LARGE1: variants seen among roughly 807,000 people sequenced by gnomAD.
LARGE1 encodes the protein xylosyl- and glucuronyltransferase LARGE1.
Under a neutral mutation model 87.6 loss-of-function variants are expected in LARGE1, and 43 were observed. The ratio of observed to expected loss-of-function variants is 0.49; its 90% confidence interval spans 0.38 to 0.63. LARGE1 has a LOEUF of 0.63. LARGE1 is among the 30% of genes least tolerant of loss of function. The probability of loss-of-function intolerance (pLI) is 0.00; values close to 1 mark genes in which losing one functional copy is unlikely to be tolerated. For missense variants in LARGE1, 802 were observed against 1,000.2 expected (o/e 0.80, Z 2.67); for synonymous variants, 434 against 394.6 (o/e 1.10, Z -1.18).
intron 3 of LARGE1, among the ~76,000 whole-genome samples, chr22:33,647,572 A>G (rs1237467742): frequency 6.6e-6 from 1 of 152,186 alleles, no homozygotes; most frequent in Non-Finnish European, 1.5e-5. Context: ...TGCCATCCCT[A>G]CACTGATGGC....
intron 1 of LARGE1, among the ~76,000 whole-genome samples, chr22:33,817,974 A>G (rs1339162783): frequency 6.6e-6 from 1 of 152,142 alleles, no homozygotes; most frequent in East Asian, 1.9e-4. Context: ...ATGGTGGTGC[A>G]GGCAGCTTCA....
intron 2 of LARGE1, among the ~76,000 whole-genome samples, chr22:33,760,515 C>T (rs2084684621): frequency 6.6e-6 from 1 of 152,206 alleles, no homozygotes; most frequent in Non-Finnish European, 1.5e-5. Flanking sequence ...CAACGCGCAT[C>T]GCAACGTGCC....
At chr22:33,721,957 A>G (rs1300152615) in intron 2 of LARGE1, among the ~76,000 whole-genome samples, 1 of 152,122 alleles carries the variant, frequency 6.6e-6, no homozygotes, top group Non-Finnish European at 1.5e-5. Context: ...CTTGGGTAAA[A>G]AATTACTTTG....
chr22:33,198,073 A>G (rs1362897561), intron 11 of LARGE1, among the ~76,000 whole-genome samples: 1 of 152,234 alleles, frequency 6.6e-6, no homozygotes, highest in Non-Finnish European at 1.5e-5. Context: ...TGTGCATACA[A>G]AAATTAGTTT....
At chr22:33,660,966 C>G (rs927015831) in intron 2 of LARGE1, among the ~76,000 whole-genome samples, 1 of 151,684 alleles carries the variant, frequency 6.6e-6, no homozygotes, top group Non-Finnish European at 1.5e-5. Flanking sequence ...GCGAATCACA[C>G]GTGCTAAGAA....
At chr22:33,268,363 A>G (rs1397249692), downstream of LARGE1, among the ~76,000 whole-genome samples, 1 of 151,568 alleles carries the variant, frequency 6.6e-6, no homozygotes, top group Non-Finnish European at 1.5e-5. Context: ...CACATAATAA[A>G]CACGCATTCT....
chr22:33,378,357 C>T (rs983465438), intron 9 of LARGE1, among the ~76,000 whole-genome samples: 43 of 152,158 alleles, frequency 2.8e-4, no homozygotes, highest in African/African-American at 1.0e-3. Context: ...AGACAACAAC[C>T]TCTACTGTCT....
At chr22:33,675,282 G>A (rs181502992) in intron 2 of LARGE1, among the ~76,000 whole-genome samples, 1,846 of 43,166 alleles carry the variant, frequency 0.043, 26 homozygotes, top group African/African-American at 0.1. Context: ...CAACAAGAGC[G>A]AAACTCCATC....
chr22:33,609,717 G>A (rs987735489), intron 4 of LARGE1, among the ~76,000 whole-genome samples: 1 of 152,112 alleles, frequency 6.6e-6, no homozygotes, highest in African/African-American at 2.4e-5. Context: ...CAAATCTTAT[G>A]TTGAAACGTA....
intron 9 of LARGE1, among the ~76,000 whole-genome samples, chr22:33,370,671 T>C (rs967389211): frequency 1.3e-5 from 2 of 151,950 alleles, no homozygotes; most frequent in African/African-American, 2.4e-5. Context: ...GTTACCAACA[T>C]GTACATGTAT....
intron 1 of LARGE1, among the ~76,000 whole-genome samples, chr22:33,795,079 C>G (rs1419940115): frequency 6.6e-6 from 1 of 152,176 alleles, no homozygotes; most frequent in African/African-American, 2.4e-5. Context: ...GTTGCTGATC[C>G]TATTTTAAGA....
chr22:33,619,371 G>T (rs921499255), intron 4 of LARGE1, among the ~76,000 whole-genome samples: 4 of 151,752 alleles, frequency 2.6e-5, no homozygotes, highest in Admixed American at 1.3e-4. Flanking sequence ...CCTGGCCAAC[G>T]TGGCAAAACC....
chr22:33,652,413 T>C (rs16992713), intron 2 of LARGE1, among the ~76,000 whole-genome samples: 3,382 of 152,178 alleles, frequency 0.022, 98 homozygotes, highest in African/African-American at 0.071. Flanking sequence ...AGGATACTTA[T>C]ATCACCTTGT....
intron 11 of LARGE1, among the ~76,000 whole-genome samples, chr22:33,218,111 G>T (rs897242820): frequency 6.6e-6 from 1 of 151,890 alleles, no homozygotes; most frequent in East Asian, 1.9e-4. Flanking sequence ...TGTATTTTTA[G>T]TAGAGGTGGG....
intron 11 of LARGE1, among the ~76,000 whole-genome samples, chr22:33,237,545 CTATAAG>C (rs1030323030): frequency 2.0e-5 from 3 of 151,216 alleles, no homozygotes; most frequent in African/African-American, 4.9e-5. Flanking sequence ...TCTAAAAGAA[CTATAAG>C]TATATTTAAA....
chr22:33,134,604 T>C, the LARGE1 span, among the ~76,000 whole-genome samples: 1 of 152,176 alleles, frequency 6.6e-6, no homozygotes, highest in South Asian at 2.1e-4. Context: ...ATAGTGGTCA[T>C]ACCTGTCTTA....
chr22:33,378,199 A>G (rs2065045514), intron 9 of LARGE1, among the ~76,000 whole-genome samples: 1 of 152,208 alleles, frequency 6.6e-6, no homozygotes, highest in Admixed American at 6.5e-5. Flanking sequence ...GTTTCTGCCA[A>G]GTGCCTGGCA....
intron 2 of LARGE1, among the ~76,000 whole-genome samples, chr22:33,749,705 T>C (rs895621379): frequency 3.3e-5 from 5 of 152,140 alleles, no homozygotes; most frequent in African/African-American, 1.2e-4. Flanking sequence ...ATTAAAGGAT[T>C]AACTGAATTT....
chr22:33,750,469 G>A (rs2084271140), intron 2 of LARGE1: 1 of 152,212 alleles, frequency 6.6e-6, no homozygotes, highest in African/African-American at 2.4e-5. Context: ...AGCCAATCTT[G>A]GTTTAACATG....
Sources: allele counts gnomAD v4.1 joint callset (sites outside exome capture counted in the v4.1 genomes callset), GRCh38; gene constraint gnomAD v4.1.1; transcripts MANE v1.5; gene names NCBI Gene and HGNC (gene_info 2026-07-23, HGNC 2026-07-21).